The following GOLIM4 variants were observed in gnomAD, a reference collection of about 807,000 sequenced individuals.
GOLIM4 encodes golgi integral membrane protein 4, also known as 130 kDa golgi-localized phosphoprotein.
A neutral mutation model predicts 107.4 loss-of-function variants in GOLIM4; 71 were observed. The observed-to-expected ratio is 0.66, with a 90% CI of 0.55 to 0.81. The LOEUF (loss-of-function observed/expected upper bound fraction) is 0.81. Among genes scored for constraint, GOLIM4 ranks in the 30% least tolerant of loss-of-function variants. The pLI is 0.00. For missense variants in GOLIM4, 830 were observed against 826.1 expected, an observed-to-expected ratio of 1.00 and a Z score of -0.06; for synonymous variants, 327 against 294.8, an observed-to-expected ratio of 1.11 and a Z score of -1.12.
intron 1 of GOLIM4, among the ~76,000 whole-genome samples, chr3:168,081,358 T>C (rs1386900536): frequency 1.3e-5 from 2 of 152,088 alleles, no homozygotes; most frequent in South Asian, 2.1e-4. Context: ...CAGAAATTAG[T>C]AGCATGAGCA....
intron 1 of GOLIM4, among the ~76,000 whole-genome samples, chr3:168,067,564 AT>A (rs1454698238): frequency 1.3e-5 from 2 of 151,814 alleles, no homozygotes; most frequent in Non-Finnish European, 2.9e-5. Context: ...ACAAAAAAAA[AT>A]ACATGAGATA....
chr3:168,020,643 A>G (rs1717624953), intron 14 of GOLIM4, among the ~76,000 whole-genome samples: 1 of 152,220 alleles, frequency 6.6e-6, no homozygotes, highest in South Asian at 2.1e-4. Context: ...AGTTGTCAAT[A>G]TAATCTTATT....
chr3:168,023,829 C>T (rs1231270557), intron 14 of GOLIM4, among the ~76,000 whole-genome samples: 2 of 152,164 alleles, frequency 1.3e-5, no homozygotes, highest in African/African-American at 4.8e-5. Flanking sequence ...ACCAATTACA[C>T]CACATGCAGC....
chr3:168,065,934 T>C (rs1720522129), intron 1 of GOLIM4, among the ~76,000 whole-genome samples: 1 of 152,244 alleles, frequency 6.6e-6, no homozygotes, highest in Admixed American at 6.5e-5. Flanking sequence ...CTAAAGCCTC[T>C]TTCTGCTCTA....
At chr3:168,058,330 G>C (rs1297016324) in intron 1 of GOLIM4, among the ~76,000 whole-genome samples, 1 of 152,148 alleles carries the variant, frequency 6.6e-6, no homozygotes, top group African/African-American at 2.4e-5. Flanking sequence ...GCCACTAATT[G>C]AGATTTGGCT....
intron 1 of GOLIM4, among the ~76,000 whole-genome samples, chr3:168,050,552 T>C (rs1719561238): frequency 6.6e-6 from 1 of 151,850 alleles, no homozygotes; most frequent in South Asian, 2.1e-4. Context: ...AAGAATAGGA[T>C]GCTCAGGAAC....
intron 1 of GOLIM4, among the ~76,000 whole-genome samples, chr3:168,073,346 A>G (rs968484285): frequency 2.6e-5 from 4 of 152,262 alleles, no homozygotes; most frequent in South Asian, 4.1e-4. Context: ...AGTTAAAGTA[A>G]TAACATTCAT....
chr3:168,093,745 C>T (rs995893051), intron 1 of GOLIM4, among the ~76,000 whole-genome samples: 3 of 152,106 alleles, frequency 2.0e-5, no homozygotes, highest in South Asian at 2.1e-4. Flanking sequence ...TGAACCAAGC[C>T]GAGCCATATA....
chr3:168,010,606 T>G, intron 15 of GOLIM4, 137 bp downstream of exon 15: 1 of 794,142 alleles, frequency 1.3e-6, no homozygotes, highest in Non-Finnish European at 2.0e-6. Context: ...TAATTTCAGG[T>G]GGGCCTGTTA....
intron 1 of GOLIM4, among the ~76,000 whole-genome samples, chr3:168,059,029 C>T (rs985107080): frequency 3.3e-5 from 5 of 152,050 alleles, no homozygotes; most frequent in African/African-American, 1.2e-4. Context: ...AAAATTGATG[C>T]AAACATGTGT....
intron 1 of GOLIM4, among the ~76,000 whole-genome samples, chr3:168,067,328 A>C (rs1247184103): frequency 6.6e-6 from 1 of 152,082 alleles, no homozygotes; most frequent in African/African-American, 2.4e-5. Context: ...CAAACTTAGG[A>C]ATACACATTA....
intron 1 of GOLIM4, among the ~76,000 whole-genome samples, chr3:168,059,641 C>T (rs1720150783): frequency 1.3e-5 from 2 of 152,082 alleles, no homozygotes; most frequent in Admixed American, 1.3e-4. Context: ...ATTTTATTCT[C>T]ACAGAGAGAT....
chr3:168,070,188 T>TG (rs1256325422), intron 1 of GOLIM4, among the ~76,000 whole-genome samples: 1 of 152,178 alleles, frequency 6.6e-6, no homozygotes, highest in African/African-American at 2.4e-5. Context: ...GGTCAGGAGA[T>TG]GGAGACCATC....
intron 8 of GOLIM4, among the ~76,000 whole-genome samples, chr3:168,034,719 C>A (rs1460563803): frequency 6.6e-6 from 1 of 152,156 alleles, no homozygotes; most frequent in East Asian, 1.9e-4. Flanking sequence ...GTGGGAAGAA[C>A]CCGGTTAGAG....
Position 168,037,085 on chromosome 3 carries a change from A to G in GOLIM4, c.685-91T>C, listed in dbSNP as rs74415390. ...GTACACTGTAAAACTAGACAAAAAT[A>G]TTGTACCTAAATACAAGTTAGAAAA... On this transcript the variant is annotated intron_variant, in intron 7 of 15. Transcript: ENST00000470487. 2,757 of 541,312 alleles carry G rather than the reference A, an allele frequency of 5.1e-3. 53 individuals carry two copies. The African/African-American group carries it at 0.052, about 10-fold the overall frequency. The allele number at this position is 541,312 out of a possible 1,614,324, so 33.5% of individuals were successfully genotyped here.
In GOLIM4 at chr3:168,022,453, T is replaced by G. The variant is rs1425664860; in HGVS notation, c.1860+2073A>C. 2.0e-5 allele frequency among the ~76,000 whole-genome samples: 3 copies of G among 152,202 alleles called. No homozygotes were observed. In the South Asian group the frequency reaches 6.2e-4, roughly 31 times the overall value. On this transcript the variant is annotated intron_variant, in intron 14 of 15. Coordinates refer to ENST00000470487, the MANE Select transcript of GOLIM4 (RefSeq NM_014498.5). The stretch of plus-strand genomic sequence containing the variant: ...GCACTTATAAACAATGCAGTATGTG[T>G]TTCCATATTCTATGTTCCCCTTTAT...
At chr3:168,094,503 C>CTT (rs1722063036) in intron 1 of GOLIM4, among the ~76,000 whole-genome samples, 1 of 152,180 alleles carries the variant, frequency 6.6e-6, no homozygotes, top group Non-Finnish European at 1.5e-5. Flanking sequence ...CATCCAGCAT[C>CTT]TCTAAAGACA....
intron 1 of GOLIM4, among the ~76,000 whole-genome samples, chr3:168,090,837 C>T (rs775283903): frequency 3.9e-5 from 6 of 152,146 alleles, no homozygotes; most frequent in Admixed American, 6.5e-5. Flanking sequence ...ACTACTCAGC[C>T]GTAACAAGGA....
chr3:168,035,850 GA>G lies in GOLIM4; in HGVS notation c.843+985del, dbSNP rs199624045. 2.0e-3 allele frequency among the ~76,000 whole-genome samples: 279 copies of G among 136,816 alleles called. 2 individuals carry two copies. The East Asian group carries it at 0.025, about 12-fold the overall frequency. 89.8% of individuals were successfully genotyped at this position (136,816 alleles called of 152,430 possible). A position where few individuals can be genotyped will look rare whatever the true frequency, so the allele number is the denominator to read the frequency against. The stretch of plus-strand genomic sequence containing the variant: ...CCTATTTTTTTATTACAGATGATTG[GA>G]AAAAAAAAAAACAACCTTTGTAGAA... On this transcript the variant is annotated intron_variant, in intron 8 of 15. Coordinates refer to ENST00000470487, the MANE Select transcript of GOLIM4 (RefSeq NM_014498.5).
Sources: gnomAD v4.1 joint callset for allele counts (sites outside exome capture counted in the v4.1 genomes callset) on GRCh38, gnomAD v4.1.1 for gene constraint, MANE v1.5 for transcripts, NCBI Gene and HGNC (gene_info 2026-07-23, HGNC 2026-07-21) for gene names.